The following LDB2 variants were observed in gnomAD, a reference collection of about 807,000 sequenced individuals.
LDB2 encodes the protein LIM domain-binding protein 2.
Under a neutral mutation model 44.3 loss-of-function variants are expected in LDB2, and 12 were observed. The observed-to-expected ratio is 0.27, with a 90% CI of 0.17 to 0.44. LDB2 has a LOEUF of 0.44. Among genes scored for constraint, LDB2 ranks in the 20% least tolerant of loss-of-function variants. The pLI is 1.00. For synonymous variants in LDB2, 164 were observed against 174.8 expected (o/e 0.94, Z 0.49); for missense variants, 344 against 473.5 (o/e 0.73, Z 2.54).
chr4:16,831,195 A>G (rs62298181), intron 1 of LDB2, among the ~76,000 whole-genome samples: 2 of 81,690 alleles, frequency 2.4e-5, no homozygotes, highest in Admixed American at 1.3e-4. Context: ...TTTTTTTTCT[A>G]TTTTAAGTGC....
intron 5 of LDB2, among the ~76,000 whole-genome samples, chr4:16,568,836 T>C (rs183225851): frequency 3.3e-5 from 5 of 152,226 alleles, no homozygotes; most frequent in Non-Finnish European, 7.3e-5. Context: ...ACTGTGCAAT[T>C]AATGTTGAAG....
intron 2 of LDB2, among the ~76,000 whole-genome samples, chr4:16,659,689 A>ATATG (rs1553947278): frequency 1.8e-3 from 246 of 139,378 alleles, no homozygotes; most frequent in South Asian, 8.5e-3. Context: ...ATATATATAT[A>ATATG]TATGTATGTA....
intron 2 of LDB2, among the ~76,000 whole-genome samples, chr4:16,604,889 T>G (rs1242303703): frequency 1.3e-5 from 2 of 152,148 alleles, no homozygotes; most frequent in African/African-American, 4.8e-5. Flanking sequence ...TATACCACAT[T>G]TTTGGATAAA....
At chr4:16,757,007 A>G (rs981788685) in intron 2 of LDB2, among the ~76,000 whole-genome samples, 4 of 151,368 alleles carry the variant, frequency 2.6e-5, no homozygotes, top group Non-Finnish European at 4.4e-5. Flanking sequence ...TATTTTCCTC[A>G]TCAGAAAAAC....
intron 2 of LDB2, among the ~76,000 whole-genome samples, chr4:16,602,796 A>AC (rs1197621847): frequency 6.6e-6 from 1 of 151,954 alleles, no homozygotes; most frequent in East Asian, 1.9e-4. Flanking sequence ...ACCAAGACAG[A>AC]CCCCACTCCT....
chr4:16,725,492 T>G (rs1304379361), intron 2 of LDB2, among the ~76,000 whole-genome samples: 3 of 152,076 alleles, frequency 2.0e-5, no homozygotes, highest in Non-Finnish European at 4.4e-5. Context: ...CTAGTAACAA[T>G]CCAGGAAGCT....
intron 1 of LDB2, among the ~76,000 whole-genome samples, chr4:16,799,113 G>A (rs1374690447): frequency 2.6e-5 from 4 of 152,062 alleles, no homozygotes; most frequent in Non-Finnish European, 5.9e-5. Context: ...TCGGCCTCCC[G>A]AAGTGTTGGG....
intron 5 of LDB2, among the ~76,000 whole-genome samples, chr4:16,546,765 T>C (rs1735918033): frequency 6.6e-6 from 1 of 152,174 alleles, no homozygotes; most frequent in African/African-American, 2.4e-5. Flanking sequence ...ATGTCATCCT[T>C]TTCATATATA....
At chr4:16,659,689 A>G (rs28670645) in intron 2 of LDB2, among the ~76,000 whole-genome samples, 52,992 of 140,694 alleles carry the variant, frequency 0.38, 11,703 homozygotes, top group Middle Eastern at 0.61. Flanking sequence ...ATATATATAT[A>G]TATGTATGTA....
chr4:16,709,135 C>T (rs1755306442), intron 2 of LDB2, among the ~76,000 whole-genome samples: 1 of 152,102 alleles, frequency 6.6e-6, no homozygotes, highest in Non-Finnish European at 1.5e-5. Context: ...CAGTGCCTAG[C>T]TCAGAATAGC....
At chr4:16,616,863 G>A (rs1727480708) in intron 2 of LDB2, among the ~76,000 whole-genome samples, 1 of 152,050 alleles carries the variant, frequency 6.6e-6, no homozygotes, top group South Asian at 2.1e-4. Context: ...TCTCCTGTCT[G>A]TTATTATTTT....
chr4:16,751,020 C>A (rs1765386679), intron 2 of LDB2: 1 of 152,112 alleles, frequency 6.6e-6, no homozygotes, highest in Admixed American at 6.5e-5. Context: ...GCAATATACT[C>A]CCTAAAACCG....
At chr4:16,682,778 C>G (rs1441037631) in intron 2 of LDB2, among the ~76,000 whole-genome samples, 1 of 152,218 alleles carries the variant, frequency 6.6e-6, no homozygotes, top group African/African-American at 2.4e-5. Flanking sequence ...TTGAGTCCTC[C>G]AACCAAAGGT....
intron 1 of LDB2, among the ~76,000 whole-genome samples, chr4:16,827,668 G>A (rs1156649863): frequency 1.3e-5 from 2 of 152,122 alleles, no homozygotes; most frequent in African/African-American, 2.4e-5. Context: ...TTGTCTACAC[G>A]CAGTTCAATA....
chr4:16,871,476 A>G (rs1716559501), intron 1 of LDB2, among the ~76,000 whole-genome samples: 1 of 152,210 alleles, frequency 6.6e-6, no homozygotes, highest in Non-Finnish European at 1.5e-5. Context: ...AGTATTCGAG[A>G]AGTATTATCC....
At chr4:16,880,486 GC>G (rs756226852) in intron 1 of LDB2, among the ~76,000 whole-genome samples, 2 of 152,176 alleles carry the variant, frequency 1.3e-5, no homozygotes, top group Non-Finnish European at 2.9e-5. Context: ...ATGTCCCATA[GC>G]CTTCTGTGCC....
intron 2 of LDB2, among the ~76,000 whole-genome samples, chr4:16,714,695 T>C (rs1242073721): frequency 6.6e-6 from 1 of 152,164 alleles, no homozygotes; most frequent in African/African-American, 2.4e-5. Flanking sequence ...TTTGGCTGGA[T>C]TGATTTCATC....
intron 2 of LDB2, among the ~76,000 whole-genome samples, chr4:16,644,177 G>T (rs535119073): frequency 3.4e-4 from 52 of 152,188 alleles, no homozygotes; most frequent in Non-Finnish European, 6.0e-4. Flanking sequence ...GAGTGGGAGA[G>T]TGTGTGTGAG....
chr4:16,560,211 AAAATC>A (rs1355254730), intron 5 of LDB2, among the ~76,000 whole-genome samples: 1 of 152,232 alleles, frequency 6.6e-6, no homozygotes, highest in African/African-American at 2.4e-5. Flanking sequence ...AGAAATAACT[AAAATC>A]AGAGCAGAAC....
Sources: allele counts gnomAD v4.1 joint callset (sites outside exome capture counted in the v4.1 genomes callset), GRCh38; gene constraint gnomAD v4.1.1; transcripts MANE v1.5; gene names NCBI Gene and HGNC (gene_info 2026-07-23, HGNC 2026-07-21).